PI4KA: variants seen among roughly 807,000 people sequenced by gnomAD.
The protein encoded by PI4KA is phosphatidylinositol 4-kinase alpha.
A neutral mutation model predicts 271.4 loss-of-function variants in PI4KA; 122 were observed. That is an observed-to-expected ratio of 0.45 (90% CI 0.39 to 0.52). The LOEUF is 0.52. PI4KA is among the 20% of genes least tolerant of loss of function. The pLI is 0.00. For synonymous variants in PI4KA, 1,041 were observed against 1,078.8 expected, an observed-to-expected ratio of 0.96 and a Z score of 0.69; for missense variants, 1,969 against 2,769.1, an observed-to-expected ratio of 0.71 and a Z score of 6.48.
In PI4KA at chr22:20,803,285, C is replaced by T; in HGVS notation, c.1497G>A (p.Val499=). ...GCAAGGACGGTGTCACAGAGTGCAC[C>T]ACCACCGGGAACCTCTCGCACAGGC... ...LGRLCERFPV[V]VHSVTPSLRD... is the part of the protein sequence containing the mutation. The change falls in exon 13 of 55, where the codon GTG becomes GTA. Residue 499 remains valine, a synonymous_variant. Coordinates refer to ENST00000255882, the MANE Select transcript of PI4KA (RefSeq NM_058004.4). 1 of 1,614,116 alleles carries T rather than the reference C, an allele frequency of 6.2e-7. No individual in the cohort carries two copies.
intron 1 of PI4KA, among the ~76,000 whole-genome samples, chr22:20,840,592 T>C (rs186427632): frequency 2.8e-3 from 431 of 152,294 alleles, no homozygotes; most frequent in Non-Finnish European, 3.6e-3. Context: ...GCGAAGATGT[T>C]AGCATGGTAG....
chr22:20,770,452 G>A (rs1352487199), intron 19 of PI4KA, among the ~76,000 whole-genome samples: 1 of 145,360 alleles, frequency 6.9e-6, no homozygotes, highest in East Asian at 2.0e-4. Context: ...GGCAGAGGTT[G>A]CAGCAAGCTA....
intron 19 of PI4KA, among the ~76,000 whole-genome samples, chr22:20,792,471 G>T (rs2147552409): frequency 6.6e-6 from 1 of 152,348 alleles, no homozygotes; most frequent in Non-Finnish European, 1.5e-5. Flanking sequence ...ACTACTATGG[G>T]GTGAGGAGGA....
intron 19 of PI4KA, among the ~76,000 whole-genome samples, chr22:20,766,406 G>A (rs927957720): frequency 6.6e-6 from 1 of 152,160 alleles, no homozygotes; most frequent in African/African-American, 2.4e-5. Context: ...GCTCACGCCT[G>A]TAATCCCAAC....
chr22:20,839,805 C>G (rs1388384359), intron 1 of PI4KA, among the ~76,000 whole-genome samples: 1 of 150,218 alleles, frequency 6.7e-6, no homozygotes, highest in Non-Finnish European at 1.5e-5. Flanking sequence ...ACTCTCCAGC[C>G]TGGGCGACAG....
At chr22:20,769,890 A>G (rs750095255) in intron 19 of PI4KA, among the ~76,000 whole-genome samples, 1 of 152,224 alleles carries the variant, frequency 6.6e-6, no homozygotes, top group Non-Finnish European at 1.5e-5. Context: ...GTAGCACAGC[A>G]CAGGGCAGAG....
rs1569069069 is a variant in PI4KA at position 20,818,523 on chromosome 22, A to C, written c.816T>G (p.Pro272=). The C allele has an allele frequency of 1.9e-6, 3 of 1,565,102 alleles. No homozygotes were observed. In the South Asian group the frequency reaches 3.6e-5, roughly 19 times the overall value. Residue 272 remains proline, a synonymous_variant, in exon 7 of 55, where the codon CCT becomes CCG. Coordinates refer to ENST00000255882, the MANE Select transcript of PI4KA (RefSeq NM_058004.4). ...AGGCAGATCCTCCAGGGGAACTGGGAGGGGGCATGCCGCGTTCAGGGCTGA... is the reference window on the plus strand; with the variant it reads ...AGGCAGATCCTCCAGGGGAACTGGGCGGGGGCATGCCGCGTTCAGGGCTGA... ...SQVSPERGMP[P]PSSPGGSAFH...
intron 1 of PI4KA, among the ~76,000 whole-genome samples, chr22:20,847,415 T>TA (rs1389323987): frequency 1.3e-5 from 2 of 151,996 alleles, no homozygotes; most frequent in Admixed American, 6.6e-5. Flanking sequence ...AGTGAGTCTC[T>TA]AAAAAAAATT....
chr22:20,817,809 T>A (rs1922039515), intron 7 of PI4KA, among the ~76,000 whole-genome samples: 1 of 130,568 alleles, frequency 7.7e-6, no homozygotes, highest in South Asian at 2.7e-4. Flanking sequence ...TTTAATATTA[T>A]CTACATACTT....
At chr22:20,760,629 T>C (rs1931864783) in intron 23 of PI4KA, among the ~76,000 whole-genome samples, 1 of 152,194 alleles carries the variant, frequency 6.6e-6, no homozygotes. Flanking sequence ...GACACTTCCA[T>C]CAATCCAGAG....
chr22:20,723,981 G>A (rs1927050162), intron 42 of PI4KA, among the ~76,000 whole-genome samples: 1 of 151,738 alleles, frequency 6.6e-6, no homozygotes, highest in African/African-American at 2.4e-5. Flanking sequence ...TGGGACTACG[G>A]GCTCCCGCCA....
At chr22:20,818,586 C>T (rs553865370) in intron 6 of PI4KA, 37 bp from the exon 7 acceptor site, 1 of 1,444,980 alleles carries the variant, frequency 6.9e-7, no homozygotes, top group South Asian at 1.4e-5. Context: ...TCAGAAAAGA[C>T]CAGTGAGACC....
intron 6 of PI4KA, among the ~76,000 whole-genome samples, chr22:20,819,058 G>A (rs1407507285): frequency 6.6e-6 from 1 of 152,194 alleles, no homozygotes; most frequent in Non-Finnish European, 1.5e-5. Context: ...AGGCCGCAAA[G>A]GCCTAGAGTT....
intron 22 of PI4KA, chr22:20,764,467 A>T (rs534160690): frequency 2.7e-5 from 5 of 188,482 alleles, no homozygotes; most frequent in Non-Finnish European, 5.5e-5. Context: ...CCTGGGAAAC[A>T]GCTCAGTGAG....
intron 1 of PI4KA, among the ~76,000 whole-genome samples, chr22:20,853,784 G>A (rs1314636303): frequency 6.6e-6 from 1 of 151,924 alleles, no homozygotes; most frequent in Non-Finnish European, 1.5e-5. Flanking sequence ...AGAGTAGAAT[G>A]GGATCTTGGT....
intron 29 of PI4KA, among the ~76,000 whole-genome samples, chr22:20,745,657 C>T (rs891631503): frequency 2.6e-5 from 4 of 152,136 alleles, no homozygotes; most frequent in East Asian, 1.9e-4. Context: ...GGAAACAATG[C>T]GGTCTTTGGC....
intron 19 of PI4KA, among the ~76,000 whole-genome samples, chr22:20,770,226 T>C (rs2147424637): frequency 6.6e-6 from 1 of 151,604 alleles, no homozygotes; most frequent in South Asian, 2.1e-4. Context: ...GAGATGGGTT[T>C]TGCTAGCCGG....
At chr22:20,751,592 C>T in intron 26 of PI4KA, 82 bp downstream of exon 26, 1 of 1,231,032 alleles carries the variant, frequency 8.1e-7, no homozygotes, top group Non-Finnish European at 1.2e-6. Flanking sequence ...GAGAAGCATG[C>T]CACAACACAG....
intron 43 of PI4KA, among the ~76,000 whole-genome samples, chr22:20,719,714 G>C (rs1926467443): frequency 1.3e-5 from 2 of 152,206 alleles, no homozygotes; most frequent in African/African-American, 4.8e-5. Context: ...GCTGCTGTGA[G>C]CTCAACAGCT....
Sources: allele counts gnomAD v4.1 joint callset (sites outside exome capture counted in the v4.1 genomes callset), GRCh38; gene constraint gnomAD v4.1.1; transcripts MANE v1.5; gene names NCBI Gene and HGNC (gene_info 2026-07-23, HGNC 2026-07-21).